Variants in GNL3 observed in about 807,000 individuals in gnomAD.
GNL3 encodes the protein G protein nucleolar 3.
A neutral mutation model predicts 70.6 loss-of-function variants in GNL3; 77 were observed. The observed-to-expected ratio is 1.09, with a 90% CI of 0.91 to 1.32. The LOEUF (loss-of-function observed/expected upper bound fraction) is 1.32. Among genes scored for constraint, GNL3 ranks in the 40% most tolerant of loss-of-function variants. The pLI is 0.00. For synonymous variants in GNL3, 252 were observed against 216.1 expected (o/e 1.17, Z -1.46); for missense variants, 634 against 644.0 (o/e 0.98, Z 0.17).
chr3:52,690,067 G>A (rs2097325838), intron 6 of GNL3, among the ~76,000 whole-genome samples: 3 of 152,330 alleles, frequency 2.0e-5, no homozygotes, highest in South Asian at 2.1e-4. Flanking sequence ...AGCAATACAA[G>A]GGGAATTGAA....
intron 9 of GNL3, 24 bp downstream of exon 9, chr3:52,691,653 T>C (rs2097327407): frequency 2.4e-6 from 3 of 1,240,224 alleles, no homozygotes; most frequent in South Asian, 1.2e-5. Flanking sequence ...TCCATAATTG[T>C]AATATTATAG....
chr3:52,693,001 G>A lies in GNL3; in HGVS notation c.999G>A (p.Pro333=), dbSNP rs774912410. The A allele has an allele frequency of 3.1e-5, 50 of 1,614,052 alleles. No homozygotes were observed. The highest frequency in any genetic ancestry group is 6.7e-5 in the African/African-American group (5 of 74,934). The change falls in exon 10 of 15, where the codon CCG becomes CCA. Residue 333 remains proline (P), a synonymous_variant. Coordinates refer to ENST00000418458, the MANE Select transcript of GNL3 (RefSeq NM_014366.5). ...RSPASIEVVK[P]MEAASAILSQ... ...CAGCAAGTATTGAAGTAGTAAAACC[G>A]ATGGAGGCTGCCAGTGCCATCCTTT...
intron 8 of GNL3, 149 bp downstream of exon 8, chr3:52,691,220 G>C: frequency 1.4e-6 from 1 of 705,742 alleles, no homozygotes; most frequent in South Asian, 1.9e-5. Flanking sequence ...ATACCTTACT[G>C]AAAGCACATA....
At chr3:52,691,209 T>TTCAGTAAGGTATAAGCAAGA in intron 8 of GNL3, 138 bp downstream of exon 8, 1 of 727,226 alleles carries the variant, frequency 1.4e-6, no homozygotes, top group Non-Finnish European at 2.3e-6. Context: ...GCTTCTTGCT[T>TTCAGTAAGGTATAAGCAAGA]ATACCTTACT....
Position 52,687,384 on chromosome 3 carries a change from G to A in GNL3, c.210+1G>A, listed in dbSNP as rs899975088. On this transcript the variant is annotated splice_donor_variant, in intron 3 of 14. Transcript: ENST00000418458. LOFTEE classifies it high-confidence loss of function. ...GGAAGCTGAGCTAAGGAAACAGAGG[G>A]TAAGTTATGTTAGCCAGAATTTTCA... 2 of 1,613,192 alleles carry A rather than the reference G, an allele frequency of 1.2e-6. No homozygotes were observed. The highest frequency in any genetic ancestry group is 1.7e-6 in the Non-Finnish European group (2 of 1,179,642).
chr3:52,688,273 T>G, intron 5 of GNL3, 81 bp downstream of exon 5: 1 of 828,272 alleles, frequency 1.2e-6, no homozygotes, highest in Non-Finnish European at 2.1e-6. Flanking sequence ...CCTTTTAAGA[T>G]GAAGGGTGCA....
chr3:52,691,186 C>G, intron 8 of GNL3, 115 bp downstream of exon 8: 1 of 854,958 alleles, frequency 1.2e-6, no homozygotes, highest in Admixed American at 2.2e-5. Context: ...GTAAAAGGCT[C>G]ACTCAAATAC....
intron 6 of GNL3, among the ~76,000 whole-genome samples, chr3:52,689,816 A>G (rs183802076): frequency 2.0e-5 from 3 of 152,242 alleles, no homozygotes; most frequent in Admixed American, 2.0e-4. Context: ...GCCGGGCATG[A>G]TGATGGGCAC....
chr3:52,689,356 G>A (rs780033861), intron 6 of GNL3, 150 bp downstream of exon 6: 16 of 792,684 alleles, frequency 2.0e-5, no homozygotes, highest in Middle Eastern at 2.3e-4. Context: ...TAGGCAGTGG[G>A]GAGCCAGGTG....
At chr3:52,690,046 G>C (rs1230293621) in intron 6 of GNL3, among the ~76,000 whole-genome samples, 1 of 152,196 alleles carries the variant, frequency 6.6e-6, no homozygotes, top group Non-Finnish European at 1.5e-5. Flanking sequence ...CTGTCCTGAA[G>C]TTTTCAAGTG....
chr3:52,686,274 C>T, intron 1 of GNL3, 169 bp downstream of exon 1: 1 of 694,424 alleles, frequency 1.4e-6, no homozygotes. Context: ...GAAGTCCCTA[C>T]GGCGATCATG....
At chr3:52,688,977 C>A in intron 5 of GNL3, 97 bp from the exon 6 acceptor site, 1 of 960,794 alleles carries the variant, frequency 1.0e-6, no homozygotes, top group Non-Finnish European at 1.6e-6. Context: ...ATGGATAATG[C>A]CAGTACTCTC....
Position 52,687,298 on chromosome 3 carries a change from A to G in GNL3, c.125A>G (p.Lys42Arg), listed in dbSNP as rs765744886. 5.0e-6 allele frequency: 8 copies of G among 1,612,898 alleles called. 1 individual carries two copies. The highest frequency in any genetic ancestry group is 4.4e-5 in the South Asian group (4 of 91,072). Residue 42 changes from lysine to arginine, a missense_variant, in exon 3 of 15, where the codon AAG (lysine) becomes AGG (arginine). Physicochemically the swap from Lys to Arg is conservative, Grantham distance 26. Coordinates refer to ENST00000418458, the MANE Select transcript of GNL3 (RefSeq NM_014366.5). ...AAGGAGGCTAAAAAGCGGGGTCACAAGAAGCCTAGGAAAGACCCAGGAGTT... is the reference window on the plus strand; with the variant it reads ...AAGGAGGCTAAAAAGCGGGGTCACAGGAAGCCTAGGAAAGACCCAGGAGTT... Reference protein sequence around the residue: ...LRKEAKKRGHKKPRKDPGVPN... With the variant: ...LRKEAKKRGHRKPRKDPGVPN...
Position 52,691,552 on chromosome 3 carries a change from T to G in GNL3, c.792T>G (p.Asn264Lys). Residue 264 changes from asparagine to lysine, a missense_variant, in exon 9 of 15, where the codon AAT (asparagine) becomes AAG (lysine). Coordinates refer to ENST00000418458, the MANE Select transcript of GNL3 (RefSeq NM_014366.5). ...AIRVGVIGFP[N>K]VGKSSIINSL... is the part of the protein sequence containing the mutation. The stretch of plus-strand genomic sequence containing the variant: ...CCCATTTATTTGTAGGTTTCCCAAA[T>G]GTGGGGAAAAGCAGCATTATCAATA... 1 of 1,576,908 alleles carries G rather than the reference T, an allele frequency of 6.3e-7. No homozygotes were observed. Among genetic ancestry groups the G allele is most frequent in the Non-Finnish European group, 8.7e-7 (1 of 1,148,666 alleles).
chr3:52,687,796 TA>T, intron 4 of GNL3, 181 bp downstream of exon 4: 1 of 601,272 alleles, frequency 1.7e-6, no homozygotes, highest in Non-Finnish European at 3.0e-6. Flanking sequence ...CACGCCTGGC[TA>T]ATTTTTTTTA....
chr3:52,693,473 GTA>G lies in GNL3; in HGVS notation c.1255_1256del (p.Ile419CysfsTer32). Reference sequence around the variant, plus strand: ...ACTCCTCCTCCATATTTTAATGAGAGTATTGTGGTAGACATGAAAAGCGGCTT... The same window carrying G: ...ACTCCTCCTCCATATTTTAATGAGAGTTGTGGTAGACATGAAAAGCGGCTT... On this transcript the variant is annotated frameshift_variant, in exon 12 of 15. Coordinates refer to ENST00000418458, the MANE Select transcript of GNL3 (RefSeq NM_014366.5). LOFTEE classifies it high-confidence loss of function. The G allele has an allele frequency of 6.2e-7, 1 of 1,613,988 alleles. No homozygotes were observed.
Position 52,694,174 on chromosome 3 carries a change from T to TTA in GNL3, c.1568-17_1568-16dup. 6.3e-7 allele frequency: 1 copy of TTA among 1,597,420 alleles called. No homozygotes were observed. The highest frequency in any genetic ancestry group is 2.2e-5 in the East Asian group (1 of 44,772). ...TCACTTTTACTTTTTGAAAATCTCT[T>TTA]TATTTTCCTGCAATATAGGTGAACA... On this transcript the variant is annotated intron_variant, in intron 14 of 14. Transcript: ENST00000418458.
chr3:52,687,955 G>A (rs531438092), intron 4 of GNL3, 154 bp from the exon 5 acceptor site: 5 of 645,648 alleles, frequency 7.7e-6, no homozygotes, highest in Non-Finnish European at 1.4e-5. Context: ...ACATCCACAG[G>A]CTGCTGAGCT....
chr3:52,685,970 CAGAGAGGCGGTGACGCACTTT>C (rs2097307175), upstream of GNL3: 1 of 756,112 alleles, frequency 1.3e-6, no homozygotes, highest in Admixed American at 1.9e-5. Context: ...CCCGCGCACG[CAGAGAGGCGGTGACGCACTTT>C]ACGGCGGCAG....
Sources: gnomAD v4.1 joint callset for allele counts (sites outside exome capture counted in the v4.1 genomes callset) on GRCh38, gnomAD v4.1.1 for gene constraint, MANE v1.5 for transcripts, NCBI Gene and HGNC (gene_info 2026-07-23, HGNC 2026-07-21) for gene names.